The following BAHCC1 variants were observed in gnomAD, a reference collection of about 807,000 sequenced individuals.
BAHCC1 encodes BAH domain and coiled-coil containing 1.
BAHCC1 carries 43 observed loss-of-function variants against 88.2 expected under a neutral mutation model. The observed-to-expected ratio is 0.49, with a 90% CI of 0.38 to 0.63. The LOEUF (loss-of-function observed/expected upper bound fraction) is 0.63, where lower values mean the gene tolerates loss of function less well. Ranked by LOEUF, BAHCC1 falls within the 20% of genes least tolerant of loss-of-function variation. The pLI is 0.00. For synonymous variants in BAHCC1, 1,510 were observed against 745.5 expected (o/e 2.03, Z -16.71); for missense variants, 3,023 against 1,654.8 (o/e 1.83, Z -14.34).
chr17:81,451,599 G>A, intron 11 of BAHCC1, 69 bp from the exon 12 acceptor site: 1 of 688,826 alleles, frequency 1.5e-6, no homozygotes, highest in Non-Finnish European at 2.7e-6. Flanking sequence ...GGCCAGGGCT[G>A]ACATCAAGAG....
At chr17:81,460,157 T>C (rs2030120024) in intron 23 of BAHCC1, 120 bp from the exon 24 acceptor site, 1 of 644,066 alleles carries the variant, frequency 1.6e-6, no homozygotes, top group Non-Finnish European at 2.8e-6. Flanking sequence ...GTCTGTGTGG[T>C]CAGGGAGCAG....
chr17:81,439,649 G>A (rs1271403752), intron 4 of BAHCC1, among the ~76,000 whole-genome samples: 2 of 152,052 alleles, frequency 1.3e-5, no homozygotes, highest in African/African-American at 4.8e-5. Context: ...GATGGTTTCC[G>A]CACAGCTCCT....
rs1326211181 is a variant in BAHCC1 at position 81,458,248 on chromosome 17, C to T, written c.5125C>T (p.Arg1709Trp). The T allele has an allele frequency of 2.3e-5, 17 of 740,898 alleles. No individual in the cohort carries two copies. Among genetic ancestry groups the T allele is most frequent in the Non-Finnish European group, 3.3e-5 (13 of 399,090 alleles). 45.9% of individuals were successfully genotyped at this position (740,898 alleles called of 1,614,324 possible). ...VKAKVGTTLE[R>W]APGQRPPGAL... The stretch of plus-strand genomic sequence containing the variant: ...GGCCAAGGTGGGCACCACCCTGGAG[C>T]GGGCCCCAGGGCAGAGGCCCCCAGG... The change falls in exon 18 of 28, where the codon CGG becomes TGG. Residue 1709 changes from arginine to tryptophan, a missense_variant. Arg to Trp is a moderately radical substitution (Grantham distance 101). Coordinates refer to ENST00000675386, the MANE Select transcript of BAHCC1 (RefSeq NM_001377448.1).
Position 81,444,445 on chromosome 17 carries a change from GC to G in BAHCC1, c.2395del (p.His799ThrfsTer3). ...HPPSSCPGDL[A>X]PHLMMQSGQL... is the part of the protein sequence containing the mutation. The stretch of plus-strand genomic sequence containing the variant: ...ACCGAGCAGCTGCCCTGGGGACCTG[GC>G]CCCCCACCTCATGATGCAGAGCGGC... On this transcript the variant is annotated frameshift_variant, in exon 7 of 28. Transcript: ENST00000675386. LOFTEE classifies it high-confidence loss of function. The G allele has an allele frequency of 2.7e-6, 2 of 742,682 alleles. No individual in the cohort carries two copies. The highest frequency in any genetic ancestry group is 5.0e-6 in the Non-Finnish European group (2 of 400,758). The allele number at this position is 742,682 out of a possible 1,614,324, so 46.0% of individuals were successfully genotyped here.
chr17:81,454,535 ACCGCC>A (rs2064707981), intron 14 of BAHCC1, among the ~76,000 whole-genome samples: 1 of 149,350 alleles, frequency 6.7e-6, no homozygotes, highest in Non-Finnish European at 1.5e-5. Flanking sequence ...TTCTCTGGAC[ACCGCC>A]CCCACCCCAC....
chr17:81,460,004 C>CCA (rs1237352157), intron 23 of BAHCC1, among the ~76,000 whole-genome samples: 1 of 152,020 alleles, frequency 6.6e-6, no homozygotes, highest in Non-Finnish European at 1.5e-5. Context: ...AGGCGGGACT[C>CCA]GGCTGGGAGG....
rs533256182 is a variant in BAHCC1, at chr17:81,463,779, C to T, written c.7789C>T (p.Arg2597Cys). 5 of 760,674 alleles carry T rather than the reference C, an allele frequency of 6.6e-6. No individual in the cohort carries two copies. Among genetic ancestry groups the T allele is most frequent in the Middle Eastern group, 2.3e-4 (1 of 4,268 alleles). 47.1% of individuals were successfully genotyped at this position (760,674 alleles called of 1,614,324 possible). A position where few individuals can be genotyped will look rare whatever the true frequency, so the allele number is the denominator to read the frequency against. The change falls in exon 28 of 28, where the codon CGC becomes TGC. Residue 2597 changes from arginine (R) to cysteine (C), a missense_variant. Arg to Cys is a radical substitution (Grantham distance 180). Transcript: ENST00000675386. ...GGGCACCTACGACCCCACCACCGGG[C>T]GCCTGGTGACGGCTGATGGCGTGCC... ...LAGTYDPTTGRLVTADGVPIL... is the reference protein window; with the variant it reads ...LAGTYDPTTGCLVTADGVPIL...
intron 6 of BAHCC1, 117 bp downstream of exon 6, chr17:81,444,034 C>A: frequency 1.5e-6 from 1 of 646,982 alleles, no homozygotes. Flanking sequence ...ATTCTATGGC[C>A]GGCCGTGGGT....
intron 2 of BAHCC1, among the ~76,000 whole-genome samples, chr17:81,418,333 C>T (rs1036091284): frequency 2.0e-5 from 3 of 152,174 alleles, no homozygotes; most frequent in Non-Finnish European, 4.4e-5. Flanking sequence ...GGCCTGGCCA[C>T]GTGACCTGTT....
intron 2 of BAHCC1, among the ~76,000 whole-genome samples, chr17:81,417,380 C>T (rs111971265): frequency 6.6e-6 from 1 of 152,126 alleles, no homozygotes; most frequent in Non-Finnish European, 1.5e-5. Flanking sequence ...CCTGGCCACC[C>T]GCCTGCCCAG....
chr17:81,403,942 C>T (rs1326499143), intron 2 of BAHCC1, among the ~76,000 whole-genome samples: 1 of 152,224 alleles, frequency 6.6e-6, no homozygotes, highest in African/African-American at 2.4e-5. Flanking sequence ...GGTACGGAGC[C>T]GCCGCGCTTT....
At chr17:81,412,721 A>T (rs543802776) in intron 2 of BAHCC1, among the ~76,000 whole-genome samples, 1 of 152,272 alleles carries the variant, frequency 6.6e-6, no homozygotes, top group East Asian at 1.9e-4. Flanking sequence ...TCTTCCCTGC[A>T]TGAGTAGCTG....
chr17:81,462,526 G>C (rs781926166), intron 26 of BAHCC1: 20 of 572,924 alleles, frequency 3.5e-5, no homozygotes, highest in Non-Finnish European at 6.2e-5. Flanking sequence ...ATGATTCCAT[G>C]TGCGGGCTCC....
At chr17:81,446,490 T>G (rs1278672670) in intron 10 of BAHCC1, among the ~76,000 whole-genome samples, 2 of 143,600 alleles carry the variant, frequency 1.4e-5, no homozygotes, top group African/African-American at 5.2e-5. Context: ...GGCCACTCTT[T>G]AGGGGAATGA....
In BAHCC1 at chr17:81,411,111, G is replaced by T; in HGVS notation, c.178+11194G>T. ...GTCACGCTCCCTTGTTCTCAGTCCC[G>T]CAGCCGTCCTCTGCGTGAGTCCATT... On this transcript the variant is annotated intron_variant, in intron 2 of 27. Transcript: ENST00000675386. This position sits in a 1 kb window ranked among gnomAD's most constrained non-coding sequence, Gnocchi z 6.2. 1.9e-6 allele frequency: 1 copy of T among 519,370 alleles called. No individual in the cohort carries two copies. The highest frequency in any genetic ancestry group is 3.8e-6 in the Non-Finnish European group (1 of 259,776). The allele number at this position is 519,370 out of a possible 1,614,324, so 32.2% of individuals were successfully genotyped here.
At chr17:81,415,534 G>A (rs781793783) in intron 2 of BAHCC1, 26 of 515,592 alleles carry the variant, frequency 5.0e-5, no homozygotes, top group Non-Finnish European at 8.9e-5. Context: ...AGTGGGGGCC[G>A]GTCCCTGCCC....
At chr17:81,446,848 C>T (rs1480688054) in intron 10 of BAHCC1, 188 bp from the exon 11 acceptor site, 3 of 673,898 alleles carry the variant, frequency 4.5e-6, no homozygotes, top group Non-Finnish European at 5.5e-6. Flanking sequence ...CTACTGCACC[C>T]AGCCAGGTTG....
rs781927308 is a variant in BAHCC1, at chr17:81,443,236, G to C, written c.1887G>C (p.Glu629Asp). Residue 629 changes from glutamate (E) to aspartate (D), a missense_variant, in exon 5 of 28, where the codon GAG becomes GAC. Glu to Asp is a conservative substitution (Grantham distance 45). Coordinates refer to ENST00000675386, the MANE Select transcript of BAHCC1 (RefSeq NM_001377448.1). The stretch of plus-strand genomic sequence containing the variant: ...AGGAACTGCCTGCGCCGCCGGACGA[G>C]GTCTCAGCCATGAAGAACCTGCTCA... ...LPQELPAPPD[E>D]VSAMKNLLKY... 56 of 779,344 alleles carry C rather than the reference G, an allele frequency of 7.2e-5. No homozygotes were observed. Among genetic ancestry groups the C allele is most frequent in the Middle Eastern group, 2.2e-4 (1 of 4,464 alleles). 48.3% of individuals were successfully genotyped at this position (779,344 alleles called of 1,614,324 possible). A position where few individuals can be genotyped will look rare whatever the true frequency, so the allele number is the denominator to read the frequency against.
In BAHCC1 at chr17:81,458,872, G is replaced by A. The variant is rs782497708; in HGVS notation, c.5508G>A (p.Glu1836=). The change falls in exon 20 of 28, where the codon GAG becomes GAA. Residue 1836 remains glutamate (E), a synonymous_variant. Coordinates refer to ENST00000675386, the MANE Select transcript of BAHCC1 (RefSeq NM_001377448.1). ...LESFAVEEDF[E]FDDNSSFSEE... Reference sequence around the variant, plus strand: ...GCTTCGCCGTGGAGGAAGACTTTGAGTTCGACGACAACAGCAGCTTCTCGG... The same window carrying A: ...GCTTCGCCGTGGAGGAAGACTTTGAATTCGACGACAACAGCAGCTTCTCGG... 7.7e-6 allele frequency: 6 copies of A among 774,504 alleles called. No individual in the cohort carries two copies. Among genetic ancestry groups the A allele is most frequent in the Admixed American group, 6.8e-5 (4 of 58,794 alleles). The allele number at this position is 774,504 out of a possible 1,614,324, so 48.0% of individuals were successfully genotyped here.
Sources: allele counts gnomAD v4.1 joint callset (sites outside exome capture counted in the v4.1 genomes callset), GRCh38; gene constraint gnomAD v4.1.1; non-coding constraint Gnocchi (gnomAD v3.1); transcripts MANE v1.5; gene names NCBI Gene and HGNC (gene_info 2026-07-23, HGNC 2026-07-21).